ASTN1: variants seen among roughly 807,000 people sequenced by gnomAD.
The protein encoded by ASTN1 is astrotactin 1.
A neutral mutation model predicts 140.7 loss-of-function variants in ASTN1; 41 were observed. The ratio of observed to expected loss-of-function variants is 0.29; its 90% confidence interval spans 0.23 to 0.38. ASTN1 has a LOEUF of 0.38. Among genes scored for constraint, ASTN1 ranks in the 10% least tolerant of loss-of-function variants. ASTN1 has a pLI of 1.00. For missense variants in ASTN1, 1,479 were observed against 1,678.8 expected (o/e 0.88, Z 2.08); for synonymous variants, 640 against 652.2 (o/e 0.98, Z 0.29).
At chr1:177,034,670 C>T (rs376645307) in intron 2 of ASTN1, among the ~76,000 whole-genome samples, 10 of 152,216 alleles carry the variant, frequency 6.6e-5, no homozygotes, top group Middle Eastern at 3.4e-3. Context: ...TCATTGACAG[C>T]GAGTATTTGT....
chr1:176,866,028 G>A (rs565986171), intron 22 of ASTN1, among the ~76,000 whole-genome samples: 1 of 152,302 alleles, frequency 6.6e-6, no homozygotes, highest in Admixed American at 6.5e-5. Flanking sequence ...TGAGATTTGG[G>A]TGGGGACACA....
At chr1:177,078,736 C>T (rs1679039408) in intron 1 of ASTN1, among the ~76,000 whole-genome samples, 1 of 152,066 alleles carries the variant, frequency 6.6e-6, no homozygotes, top group Non-Finnish European at 1.5e-5. Flanking sequence ...TCTGTAAGGT[C>T]ATAAAAACAC....
chr1:176,939,682 G>C (rs931305751), intron 14 of ASTN1, among the ~76,000 whole-genome samples: 3 of 151,630 alleles, frequency 2.0e-5, no homozygotes, highest in Non-Finnish European at 4.4e-5. Context: ...CTTTTTTCAA[G>C]CAGTATCTCT....
Position 176,862,269 on chromosome 1 carries a change from A to C in ASTN1, c.*2015T>G. 2 of 985,416 alleles carry C rather than the reference A, an allele frequency of 2.0e-6. No homozygotes were observed. The highest frequency in any genetic ancestry group is 2.4e-6 in the Non-Finnish European group (2 of 829,946). The allele number at this position is 985,416 out of a possible 1,614,324, so 61.0% of individuals were successfully genotyped here. A position where few individuals can be genotyped will look rare whatever the true frequency, so the allele number is the denominator to read the frequency against. ...TTAGAGAGTTTGAAATAAATCCTTC[A>C]GTGTTTGGAAAGAAGGAGAGAGGAG... On this transcript the variant is annotated 3_prime_UTR_variant, in exon 23 of 23. Transcript: ENST00000361833.
chr1:177,147,051 A>G (rs1682749250), intron 1 of ASTN1, among the ~76,000 whole-genome samples: 1 of 152,050 alleles, frequency 6.6e-6, no homozygotes, highest in Non-Finnish European at 1.5e-5. Flanking sequence ...AAAAAAAAAC[A>G]GTGAGAGTGG....
intron 16 of ASTN1, 127 bp downstream of exon 16, chr1:176,934,023 GCA>G (rs1159301211): frequency 4.0e-6 from 4 of 1,004,128 alleles, no homozygotes; most frequent in African/African-American, 1.6e-5. Context: ...TTACAGATGG[GCA>G]CAGAGCATTA....
intron 15 of ASTN1, among the ~76,000 whole-genome samples, chr1:176,935,059 G>A (rs973727906): frequency 2.0e-5 from 3 of 152,176 alleles, no homozygotes; most frequent in Non-Finnish European, 2.9e-5. Flanking sequence ...TCTTGGATTT[G>A]CTGTCTCTCT....
intron 1 of ASTN1, among the ~76,000 whole-genome samples, chr1:177,152,218 T>C (rs1417369653): frequency 6.6e-6 from 1 of 152,128 alleles, no homozygotes; most frequent in Non-Finnish European, 1.5e-5. Flanking sequence ...CAAAAGATGC[T>C]ACATGTACAC....
intron 16 of ASTN1, among the ~76,000 whole-genome samples, chr1:176,920,675 G>A (rs973316521): frequency 3.3e-5 from 5 of 152,140 alleles, no homozygotes; most frequent in Non-Finnish European, 2.9e-5. Context: ...CATGGGTTCC[G>A]CTGAGGGCTC....
intron 16 of ASTN1, among the ~76,000 whole-genome samples, chr1:176,897,274 CAAA>C (rs56828059): frequency 4.5e-5 from 2 of 44,142 alleles, no homozygotes; most frequent in Non-Finnish European, 8.2e-5. Flanking sequence ...GACTCCGTCT[CAAA>C]AAAAAAAAAA....
At chr1:177,038,213 A>C (rs954007788) in intron 2 of ASTN1, among the ~76,000 whole-genome samples, 1 of 152,192 alleles carries the variant, frequency 6.6e-6, no homozygotes, top group Non-Finnish European at 1.5e-5. Flanking sequence ...CAGTTCAGTG[A>C]CACGACTTCA....
At position 177,019,456 on chromosome 1, in the gene ASTN1, C is replaced by G. The variant is rs78862462; in HGVS notation, c.1438+3948G>C. On this transcript the variant is annotated intron_variant, in intron 7 of 22. Coordinates refer to ENST00000361833, the MANE Select transcript of ASTN1 (RefSeq NM_004319.3). ...TTTACATGCATGCTGAATTACCAGA[C>G]AGCCAAATGATAAAAACATAAATTG... Among the ~76,000 whole-genome samples the G allele has an allele frequency of 2.1e-4, 32 of 152,298 alleles. No homozygotes were observed. In the East Asian group the frequency reaches 6.0e-3, roughly 28 times the overall value.
intron 1 of ASTN1, among the ~76,000 whole-genome samples, chr1:177,070,936 CT>C (rs1678607292): frequency 6.6e-6 from 1 of 152,196 alleles, no homozygotes; most frequent in African/African-American, 2.4e-5. Context: ...ATCATTAATA[CT>C]GTTTGTTGTC....
At chr1:177,085,340 G>C (rs980845090) in intron 1 of ASTN1, among the ~76,000 whole-genome samples, 5 of 152,100 alleles carry the variant, frequency 3.3e-5, no homozygotes, top group Non-Finnish European at 7.4e-5. Context: ...TGGAGTAGAC[G>C]TTAGAAAAAA....
At chr1:177,016,270 C>T (rs1675540455) in intron 7 of ASTN1, among the ~76,000 whole-genome samples, 1 of 146,332 alleles carries the variant, frequency 6.8e-6, no homozygotes, top group Non-Finnish European at 1.5e-5. Flanking sequence ...CACAGCAGTT[C>T]AGCTCAATGT....
At chr1:177,160,946 A>G (rs924714591) in intron 1 of ASTN1, among the ~76,000 whole-genome samples, 2 of 152,242 alleles carry the variant, frequency 1.3e-5, no homozygotes, top group Non-Finnish European at 2.9e-5. Context: ...TGTGAGAAGT[A>G]TAGCAATCTA....
intron 8 of ASTN1, among the ~76,000 whole-genome samples, chr1:176,979,316 G>A (rs1276746054): frequency 6.6e-6 from 1 of 152,126 alleles, no homozygotes; most frequent in Admixed American, 6.5e-5. Flanking sequence ...TAAGAGCAAT[G>A]GTGGCTGACA....
intron 1 of ASTN1, among the ~76,000 whole-genome samples, chr1:177,107,778 G>GT (rs772408839): frequency 2.0e-5 from 3 of 152,094 alleles, no homozygotes; most frequent in Non-Finnish European, 4.4e-5. Context: ...CTGAACTTCT[G>GT]TAATGATCCC....
chr1:176,994,594 TG>T (rs1674352917), intron 8 of ASTN1, among the ~76,000 whole-genome samples: 1 of 152,104 alleles, frequency 6.6e-6, no homozygotes, highest in South Asian at 2.1e-4. Context: ...TCGCCTGCCT[TG>T]GCCTCCCAAA....
Sources: gnomAD v4.1 joint callset for allele counts (sites outside exome capture counted in the v4.1 genomes callset) on GRCh38, gnomAD v4.1.1 for gene constraint, MANE v1.5 for transcripts, NCBI Gene and HGNC (gene_info 2026-07-23, HGNC 2026-07-21) for gene names.